Variants in TMEM132B observed in about 807,000 individuals in gnomAD.
TMEM132B encodes the protein transmembrane protein 132B.
Under a neutral mutation model 90.8 loss-of-function variants are expected in TMEM132B, and 18 were observed. The observed-to-expected ratio is 0.20, with a 90% CI of 0.14 to 0.29. The LOEUF is 0.29. TMEM132B is among the 10% of genes least tolerant of loss of function. The pLI, the probability that TMEM132B is intolerant of heterozygous loss-of-function variation, is 1.00. For synonymous variants in TMEM132B, 504 were observed against 523.3 expected, an observed-to-expected ratio of 0.96 and a Z score of 0.50; for missense variants, 1,096 against 1,326.8, an observed-to-expected ratio of 0.83 and a Z score of 2.70.
At chr12:125,487,419 AAC>A (rs763594700) in intron 3 of TMEM132B, among the ~76,000 whole-genome samples, 32 of 152,342 alleles carry the variant, frequency 2.1e-4, no homozygotes, top group Admixed American at 4.6e-4. Context: ...TCAGTGGTTT[AAC>A]ACAGTGTAAT....
chr12:125,396,189 G>C (rs1879163968), intron 2 of TMEM132B, among the ~76,000 whole-genome samples: 1 of 152,210 alleles, frequency 6.6e-6, no homozygotes, highest in Admixed American at 6.5e-5. Context: ...ATGCTGGGCA[G>C]TTTCCATTAA....
intron 3 of TMEM132B, among the ~76,000 whole-genome samples, chr12:125,511,225 C>T (rs1172359806): frequency 6.6e-6 from 1 of 152,160 alleles, no homozygotes; most frequent in Non-Finnish European, 1.5e-5. Context: ...TGCAGCATTT[C>T]TCAGTAATTC....
Position 125,490,164 on chromosome 12 carries a change from T to C in TMEM132B, c.1107-29275T>C, listed in dbSNP as rs1455808064. Among the ~76,000 whole-genome samples the C allele has an allele frequency of 6.6e-6, 1 of 152,194 alleles. No homozygotes were observed. The highest frequency in any genetic ancestry group is 1.5e-5 in the Non-Finnish European group (1 of 68,034). ...TAACTAAAATACTAACGACATTAAG[T>C]TGAATTCTTACTGTGTGCCAGGTAC... is the stretch of plus-strand genomic sequence containing the variant. On this transcript the variant is annotated intron_variant, in intron 3 of 8. Transcript: ENST00000682704. The surrounding 1 kb of genome is among the most constrained non-coding windows in gnomAD (Gnocchi z 4.2).
intron 1 of TMEM132B, among the ~76,000 whole-genome samples, chr12:125,313,733 C>T (rs1328464521): frequency 8.2e-6 from 1 of 121,672 alleles, no homozygotes; most frequent in African/African-American, 3.1e-5. Flanking sequence ...AATTTTCTGC[C>T]ACATGCAACC....
intron 3 of TMEM132B, among the ~76,000 whole-genome samples, chr12:125,499,058 C>A: frequency 6.6e-6 from 1 of 152,174 alleles, no homozygotes; most frequent in East Asian, 1.9e-4. Flanking sequence ...CTCTACTAGG[C>A]CTTTGGTGTG....
chr12:125,553,491 C>T (rs760410605), intron 4 of TMEM132B, among the ~76,000 whole-genome samples: 8 of 152,106 alleles, frequency 5.3e-5, no homozygotes, highest in South Asian at 2.1e-4. Flanking sequence ...CGAGCAGGTC[C>T]GCTGGGGCTC....
At chr12:125,484,262 C>T (rs1243762329) in intron 3 of TMEM132B, among the ~76,000 whole-genome samples, 3 of 149,936 alleles carry the variant, frequency 2.0e-5, no homozygotes, top group African/African-American at 5.1e-5. Flanking sequence ...CTTCAGTGTA[C>T]ACACGATATG....
intron 4 of TMEM132B, among the ~76,000 whole-genome samples, chr12:125,572,960 G>A (rs1363859552): frequency 1.3e-5 from 2 of 152,172 alleles, no homozygotes; most frequent in Non-Finnish European, 2.9e-5. Context: ...AACTGGAAGT[G>A]GGTGCCCCTT....
At chr12:125,322,263 C>T (rs1444885087) in intron 1 of TMEM132B, among the ~76,000 whole-genome samples, 1 of 152,366 alleles carries the variant, frequency 6.6e-6, no homozygotes, top group African/African-American at 2.4e-5. Context: ...TGCACACACT[C>T]TCTTGCCTGC....
chr12:125,279,287 G>A (rs1169794484), intron 1 of TMEM132B, among the ~76,000 whole-genome samples: 3 of 152,224 alleles, frequency 2.0e-5, no homozygotes, highest in African/African-American at 7.2e-5. Flanking sequence ...GCAGGCCTGA[G>A]ACTGTTATCC....
chr12:125,459,942 GC>G lies in TMEM132B; in HGVS notation c.1106+44267del, dbSNP rs1469995539. On this transcript the variant is annotated intron_variant, in intron 3 of 8. Transcript: ENST00000682704. The surrounding 1 kb of genome is among the most constrained non-coding windows in gnomAD (Gnocchi z 4.1). ...CTCTCATTTCCCTCTCTTGCCTGCT[GC>G]CATGTAAGACGTGCCTTTCACCTTC... Among the ~76,000 whole-genome samples the G allele has an allele frequency of 6.6e-6, 1 of 152,156 alleles. No individual in the cohort carries two copies. The highest frequency in any genetic ancestry group is 2.4e-5 in the African/African-American group (1 of 41,440).
intron 5 of TMEM132B, among the ~76,000 whole-genome samples, chr12:125,642,091 A>G (rs1886646677): frequency 1.3e-5 from 2 of 152,286 alleles, no homozygotes; most frequent in Middle Eastern, 3.4e-3. Context: ...GGGAAATCAG[A>G]GGTCTTACTG....
intron 3 of TMEM132B, among the ~76,000 whole-genome samples, chr12:125,488,498 C>T (rs747377913): frequency 2.0e-5 from 3 of 152,158 alleles, no homozygotes; most frequent in East Asian, 1.9e-4. Flanking sequence ...ATGCTGTTCT[C>T]GTGATAGTGA....
At chr12:125,402,565 A>C (rs1427206192) in intron 2 of TMEM132B, among the ~76,000 whole-genome samples, 4 of 152,238 alleles carry the variant, frequency 2.6e-5, no homozygotes, top group Non-Finnish European at 5.9e-5. Context: ...CTCTACTATT[A>C]CAAGATATGC....
intron 5 of TMEM132B, among the ~76,000 whole-genome samples, chr12:125,629,066 T>A (rs929099309): frequency 6.6e-6 from 1 of 152,196 alleles, no homozygotes; most frequent in Non-Finnish European, 1.5e-5. Context: ...GTAGTATAAT[T>A]TAAAGTCAGG....
At chr12:125,432,511 G>GTATATATA (rs746916124) in intron 3 of TMEM132B, among the ~76,000 whole-genome samples, 1,209 of 18,526 alleles carry the variant, frequency 0.065, 301 homozygotes, top group South Asian at 0.1. Flanking sequence ...ATGTGTGTGT[G>GTATATATA]TATATATATA....
In TMEM132B at chr12:125,412,706, C is replaced by T. The variant is rs560380229; in HGVS notation, c.960-2825C>T. ...GTAGCAAGTACCGATAGGAAGGAGGCGGTGTGTGGACAGCGGAAGGGACCC... is the reference window on the plus strand; with the variant it reads ...GTAGCAAGTACCGATAGGAAGGAGGTGGTGTGTGGACAGCGGAAGGGACCC... On this transcript the variant is annotated intron_variant, in intron 2 of 8. Transcript: ENST00000682704. Among the ~76,000 whole-genome samples the T allele has an allele frequency of 5.3e-5, 8 of 152,196 alleles. No individual in the cohort carries two copies. The East Asian group carries it at 9.7e-4, about 18-fold the overall frequency.
chr12:125,552,192 C>G (rs951141165), intron 4 of TMEM132B, among the ~76,000 whole-genome samples: 3 of 152,166 alleles, frequency 2.0e-5, no homozygotes, highest in Non-Finnish European at 4.4e-5. Flanking sequence ...TAGATCGTGG[C>G]CCTGTATTTG....
At chr12:125,339,612 C>A (rs1377916653) in intron 1 of TMEM132B, among the ~76,000 whole-genome samples, 1 of 152,326 alleles carries the variant, frequency 6.6e-6, no homozygotes. Flanking sequence ...GGCAACTGCT[C>A]TCTAAGGACA....
Sources: allele counts gnomAD v4.1 joint callset (sites outside exome capture counted in the v4.1 genomes callset), GRCh38; gene constraint gnomAD v4.1.1; non-coding constraint Gnocchi (gnomAD v3.1); transcripts MANE v1.5; gene names NCBI Gene and HGNC (gene_info 2026-07-23, HGNC 2026-07-21).